The following PCDHA2 variants were observed in gnomAD, a reference collection of about 807,000 sequenced individuals.
PCDHA2 encodes protocadherin alpha 2, also known as protocadherin alpha-2.
PCDHA2 carries 58 observed loss-of-function variants against 66.0 expected under a neutral mutation model. The observed-to-expected ratio is 0.88, with a 90% CI of 0.71 to 1.09. The LOEUF is 1.09. PCDHA2 is among the 50% of genes least tolerant of loss of function. The pLI is 0.00. For synonymous variants in PCDHA2, 634 were observed against 554.0 expected, an observed-to-expected ratio of 1.14 and a Z score of -2.03; for missense variants, 1,267 against 1,242.3, an observed-to-expected ratio of 1.02 and a Z score of -0.30.
rs1274541359 is a variant in PCDHA2 at position 140,852,032 on chromosome 5, G to C, written c.2388+54680G>C. 7.5e-6 allele frequency: 7 copies of C among 936,644 alleles called. No homozygotes were observed. The African/African-American group carries it at 1.1e-4, about 14-fold the overall frequency. 58.0% of individuals were successfully genotyped at this position (936,644 alleles called of 1,614,324 possible). On this transcript the variant is annotated intron_variant, in intron 1 of 3. Transcript: ENST00000526136. ...TATAGTTTTAAAAACTTCGCTTATT[G>C]AGTTTTTGTTATGTGGTTTATATTT... is the stretch of plus-strand genomic sequence containing the variant.
At chr5:140,862,970 C>T (rs1554157323) in intron 1 of PCDHA2, 4 of 545,310 alleles carry the variant, frequency 7.3e-6, no homozygotes, top group South Asian at 5.5e-5. Context: ...GGATGCAGGC[C>T]ACTTGGTGGC....
intron 1 of PCDHA2, chr5:140,870,820 G>A (rs1554164732): frequency 6.2e-7 from 1 of 1,613,748 alleles, no homozygotes; most frequent in Non-Finnish European, 8.5e-7. Context: ...TGGCAGCGCG[G>A]GAGGCGCAGT....
At chr5:140,807,877 C>T (rs1764050861) in intron 1 of PCDHA2, 1 of 1,613,990 alleles carries the variant, frequency 6.2e-7, no homozygotes, top group Non-Finnish European at 8.5e-7. Context: ...AGTTACTCAT[C>T]ACAGTACTGG....
chr5:140,857,552 T>G lies in PCDHA2; in HGVS notation c.2388+60200T>G, dbSNP rs782203645. 82 of 1,596,700 alleles carry G rather than the reference T, an allele frequency of 5.1e-5. 3 individuals carry two copies. The Middle Eastern group carries it at 9.6e-4, about 19-fold the overall frequency. ...GGTGGAGCGGCGGTTGGGCGAGCGC[T>G]CGCTGTCGAGCTACGTGTCGGTGCA... On this transcript the variant is annotated intron_variant, in intron 1 of 3. Transcript: ENST00000526136.
chr5:140,863,469 G>A (rs2153224585), intron 1 of PCDHA2: 1 of 498,172 alleles, frequency 2.0e-6, no homozygotes, highest in Non-Finnish European at 4.0e-6. Context: ...TTACTCTGGA[G>A]AGTCGCCTCC....
chr5:140,833,186 T>C (rs1772344367), intron 1 of PCDHA2, among the ~76,000 whole-genome samples: 1 of 152,064 alleles, frequency 6.6e-6, no homozygotes, highest in Admixed American at 6.6e-5. Flanking sequence ...ACTGCAAGGA[T>C]TAAATGAAGG....
chr5:141,001,395 A>G (rs1331071816), intron 3 of PCDHA2, among the ~76,000 whole-genome samples: 1 of 152,202 alleles, frequency 6.6e-6, no homozygotes. Flanking sequence ...TCCTACAGAG[A>G]ACAGGGAGTA....
intron 1 of PCDHA2, among the ~76,000 whole-genome samples, chr5:140,800,677 T>C (rs1762589506): frequency 6.6e-6 from 1 of 152,182 alleles, no homozygotes; most frequent in Admixed American, 6.5e-5. Flanking sequence ...AAGCGAATAA[T>C]ATTAAAACTT....
chr5:140,945,182 A>G (rs2093754559), intron 1 of PCDHA2, among the ~76,000 whole-genome samples: 1 of 152,174 alleles, frequency 6.6e-6, no homozygotes, highest in Non-Finnish European at 1.5e-5. Context: ...ATAAATCAAG[A>G]AAACCATGCT....
intron 1 of PCDHA2, chr5:140,823,626 G>A (rs1554129494): frequency 1.2e-6 from 2 of 1,613,916 alleles, no homozygotes; most frequent in Admixed American, 3.3e-5. Context: ...CTGGCAGTGC[G>A]CGCATCCCGT....
chr5:140,950,959 T>C (rs969091651), intron 1 of PCDHA2, among the ~76,000 whole-genome samples: 5 of 152,120 alleles, frequency 3.3e-5, no homozygotes, highest in Non-Finnish European at 5.9e-5. Context: ...TCTATTGATC[T>C]ATTTTCAGAT....
chr5:140,849,503 T>A lies in PCDHA2; in HGVS notation c.2388+52151T>A, dbSNP rs2150439338. The A allele has an allele frequency of 1.9e-6, 3 of 1,596,058 alleles. No homozygotes were observed. In the East Asian group the frequency reaches 6.7e-5, roughly 36 times the overall value. On this transcript the variant is annotated intron_variant, in intron 1 of 3. Transcript: ENST00000526136. ...CACCCCTGGCTGGTCATTGTACACT[T>A]CTTGTGGAAGTTGTGGATGTAAATG...
At position 140,823,653 on chromosome 5, in the gene PCDHA2, C is replaced by T. The variant is rs2150127949; in HGVS notation, c.2388+26301C>T. 1.9e-6 allele frequency: 3 copies of T among 1,614,026 alleles called. No homozygotes were observed. The Admixed American group carries it at 5.0e-5, about 27-fold the overall frequency. On this transcript the variant is annotated intron_variant, in intron 1 of 3. Transcript: ENST00000526136. ...GCATCCCGTTCCGCGTGGGGCTGTA[C>T]ACAGGCGAGATCAGCACAACACGCT...
At chr5:140,809,203 T>C in intron 1 of PCDHA2, 1 of 1,613,798 alleles carries the variant, frequency 6.2e-7, no homozygotes, top group Non-Finnish European at 8.5e-7. Context: ...TTGTGGAGAG[T>C]GGACAGGCGC....
chr5:140,955,171 C>G (rs887184603), intron 1 of PCDHA2, among the ~76,000 whole-genome samples: 2 of 152,158 alleles, frequency 1.3e-5, no homozygotes, highest in African/African-American at 2.4e-5. Context: ...GTTTTGGTTA[C>G]TGTAGTTTTG....
chr5:140,973,803 G>C (rs1232498397), intron 1 of PCDHA2, among the ~76,000 whole-genome samples: 2 of 152,214 alleles, frequency 1.3e-5, no homozygotes, highest in African/African-American at 2.4e-5. Flanking sequence ...CTGTCTACTT[G>C]ACAGAATAGC....
At chr5:140,848,688 C>T in intron 1 of PCDHA2, 1 of 1,592,412 alleles carries the variant, frequency 6.3e-7, no homozygotes. Context: ...GCGCCTGTTC[C>T]AGTTGGATTC....
chr5:141,004,715 G>T (rs989871938), intron 3 of PCDHA2, among the ~76,000 whole-genome samples: 2 of 152,162 alleles, frequency 1.3e-5, no homozygotes, highest in African/African-American at 2.4e-5. Flanking sequence ...CGAATCAGAG[G>T]TTTTTAAATA....
At chr5:140,911,654 T>C (rs1554194855) in intron 1 of PCDHA2, among the ~76,000 whole-genome samples, 1 of 152,218 alleles carries the variant, frequency 6.6e-6, no homozygotes, top group Non-Finnish European at 1.5e-5. Flanking sequence ...ATAGAGTTAC[T>C]AAACTCCTTG....
Sources: allele counts gnomAD v4.1 joint callset (sites outside exome capture counted in the v4.1 genomes callset), GRCh38; gene constraint gnomAD v4.1.1; transcripts MANE v1.5; gene names NCBI Gene and HGNC (gene_info 2026-07-23, HGNC 2026-07-21).